Variants in TBC1D22A observed in about 807,000 individuals in gnomAD.
The protein encoded by TBC1D22A is putative GTPase activator.
In TBC1D22A, 38 loss-of-function variants were observed where a neutral mutation model predicts 60.2. The ratio of observed to expected loss-of-function variants is 0.63; its 90% CI spans 0.49 to 0.83. TBC1D22A has a LOEUF of 0.83. Among genes scored for constraint, TBC1D22A ranks in the 40% least tolerant of loss-of-function variants. The pLI is 0.00. For synonymous variants in TBC1D22A, 302 were observed against 281.7 expected (o/e 1.07, Z -0.72); for missense variants, 628 against 701.0 (o/e 0.90, Z 1.18).
At chr22:46,961,392 A>G (rs956200125) in intron 8 of TBC1D22A, among the ~76,000 whole-genome samples, 5 of 152,166 alleles carry the variant, frequency 3.3e-5, no homozygotes, top group African/African-American at 4.8e-5. Flanking sequence ...AGACACCAGC[A>G]CCTTAGCTCA....
intron 11 of TBC1D22A, among the ~76,000 whole-genome samples, chr22:47,067,294 TCTCTTCTTCCAGG>T (rs1310150136): frequency 6.6e-6 from 1 of 152,190 alleles, no homozygotes; most frequent in Non-Finnish European, 1.5e-5. Flanking sequence ...AACCACTCTG[TCTCTTCTTCCAGG>T]CCTTTAGAGG....
intron 4 of TBC1D22A, among the ~76,000 whole-genome samples, chr22:46,817,752 T>C (rs752302756): frequency 9.2e-5 from 14 of 152,386 alleles, no homozygotes; most frequent in Non-Finnish European, 1.8e-4. Flanking sequence ...GAATGATTTA[T>C]ATTCTTTTGG....
rs548071201 is a variant in TBC1D22A at position 47,014,395 on chromosome 22, C to A, written c.1201+16686C>A. On this transcript the variant is annotated intron_variant, in intron 10 of 12. Transcript: ENST00000337137. ...TCCCATAGCCGCAGGCCTCAGTCTG[C>A]GCTGCCCCAGACTAGACCCAGGGCC... Among the ~76,000 whole-genome samples, 4 of 152,306 alleles carry A rather than the reference C, an allele frequency of 2.6e-5. No individual in the cohort carries two copies. In the South Asian group the frequency reaches 8.3e-4, roughly 32 times the overall value.
At chr22:46,866,514 T>C (rs1391765111) in intron 4 of TBC1D22A, among the ~76,000 whole-genome samples, 1 of 152,224 alleles carries the variant, frequency 6.6e-6, no homozygotes, top group Non-Finnish European at 1.5e-5. Context: ...TGTCTCTCCA[T>C]GAACTAAAAG....
chr22:46,871,100 A>C (rs926532227), intron 4 of TBC1D22A, among the ~76,000 whole-genome samples: 12 of 152,374 alleles, frequency 7.9e-5, no homozygotes, highest in African/African-American at 2.6e-4. Flanking sequence ...AGTAGACCTC[A>C]AGACAAAGAG....
chr22:47,159,550 C>A (rs1006750381), intron 12 of TBC1D22A, among the ~76,000 whole-genome samples: 1 of 150,272 alleles, frequency 6.7e-6, no homozygotes, highest in African/African-American at 2.5e-5. Flanking sequence ...GATGTATACT[C>A]ACATTACACA....
rs138576386 is a variant in TBC1D22A, at chr22:47,155,777, C to T, written c.1426-17721C>T. On this transcript the variant is annotated intron_variant, in intron 12 of 12. Transcript: ENST00000337137. The stretch of plus-strand genomic sequence containing the variant: ...CCACCCGAGTGCCCACCCTCAGGGG[C>T]GGTGGTGCGGACGGGCGCAGCCTGA... Among the ~76,000 whole-genome samples, 31 of 151,560 alleles carry T rather than the reference C, an allele frequency of 2.0e-4. 1 individual carries two copies. In the East Asian group the frequency reaches 2.9e-3, roughly 14 times the overall value.
chr22:47,015,877 T>G (rs887953716), intron 10 of TBC1D22A, among the ~76,000 whole-genome samples: 16 of 152,196 alleles, frequency 1.1e-4, no homozygotes, highest in African/African-American at 3.9e-4. Flanking sequence ...CCTGGGCTTC[T>G]CCTCATGTCC....
intron 11 of TBC1D22A, among the ~76,000 whole-genome samples, chr22:47,048,429 G>C (rs1017612104): frequency 6.6e-6 from 1 of 152,144 alleles, no homozygotes; most frequent in African/African-American, 2.4e-5. Context: ...GTCACTTGCC[G>C]AGACGGTGCT....
chr22:46,855,077 T>C (rs116011147), intron 4 of TBC1D22A, among the ~76,000 whole-genome samples: 2,205 of 152,314 alleles, frequency 0.014, 49 homozygotes, highest in African/African-American at 0.051. Flanking sequence ...GGCCCAGTGC[T>C]ACCAGGAAGC....
chr22:46,821,192 T>G (rs2147096884), intron 4 of TBC1D22A, among the ~76,000 whole-genome samples: 1 of 152,292 alleles, frequency 6.6e-6, no homozygotes, highest in African/African-American at 2.4e-5. Flanking sequence ...TTATCCAGTT[T>G]GCCAGTCTGT....
At chr22:47,146,998 T>G (rs1017924131) in intron 12 of TBC1D22A, among the ~76,000 whole-genome samples, 2 of 152,234 alleles carry the variant, frequency 1.3e-5, no homozygotes, top group African/African-American at 4.8e-5. Flanking sequence ...ACATGGAGAT[T>G]GCACTGACAT....
intron 1 of TBC1D22A, among the ~76,000 whole-genome samples, chr22:46,783,840 T>A (rs12627751): frequency 4.6e-5 from 7 of 152,048 alleles, no homozygotes; most frequent in Admixed American, 1.3e-4. Context: ...CTCAAAAAAA[T>A]TTTTTTTATC....
chr22:47,059,289 T>A (rs571266984), intron 11 of TBC1D22A, among the ~76,000 whole-genome samples: 1 of 152,222 alleles, frequency 6.6e-6, no homozygotes, highest in South Asian at 2.1e-4. Flanking sequence ...ACGCGTCTGG[T>A]GTGGGAGCCC....
At chr22:46,901,948 A>ATAAG (rs3084310) in intron 7 of TBC1D22A, among the ~76,000 whole-genome samples, 107,954 of 151,820 alleles carry the variant, frequency 0.71, 38,471 homozygotes, top group Middle Eastern at 0.81. Flanking sequence ...CAGATTGTTT[A>ATAAG]TAAACGTGAG....
At chr22:46,971,149 T>G (rs2074039011) in intron 8 of TBC1D22A, among the ~76,000 whole-genome samples, 1 of 152,038 alleles carries the variant, frequency 6.6e-6, no homozygotes, top group Admixed American at 6.5e-5. Flanking sequence ...CCTTGAAGAG[T>G]AACAAATGGC....
At chr22:47,071,248 C>G (rs951018182) in intron 11 of TBC1D22A, among the ~76,000 whole-genome samples, 1 of 152,246 alleles carries the variant, frequency 6.6e-6, no homozygotes, top group East Asian at 1.9e-4. Flanking sequence ...CACCTGTTAG[C>G]TTGTTTAAGC....
At position 47,173,980 on chromosome 22, in the gene TBC1D22A, G is replaced by A; in HGVS notation, c.*354G>A. ...GGAGGCCGACCCTCTTTGGAGTCCT[G>A]CTGTCTGGGTGCCAGGGCCGGAACG... On this transcript the variant is annotated 3_prime_UTR_variant, in exon 13 of 13. Coordinates refer to ENST00000337137, the MANE Select transcript of TBC1D22A (RefSeq NM_014346.5). The A allele has an allele frequency of 4.6e-6, 1 of 216,058 alleles. No homozygotes were observed. The highest frequency in any genetic ancestry group is 9.3e-6 in the Non-Finnish European group (1 of 107,040). 13.4% of individuals were successfully genotyped at this position (216,058 alleles called of 1,614,324 possible). A position where few individuals can be genotyped will look rare whatever the true frequency, so the allele number is the denominator to read the frequency against.
At chr22:46,763,513 G>A (rs2083183446) in intron 1 of TBC1D22A, among the ~76,000 whole-genome samples, 1 of 141,436 alleles carries the variant, frequency 7.1e-6, no homozygotes, top group African/African-American at 2.6e-5. Flanking sequence ...GTGGCGCTGA[G>A]CTATGCCAGG....
Sources: gnomAD v4.1 joint callset for allele counts (sites outside exome capture counted in the v4.1 genomes callset) on GRCh38, gnomAD v4.1.1 for gene constraint, MANE v1.5 for transcripts, NCBI Gene and HGNC (gene_info 2026-07-23, HGNC 2026-07-21) for gene names.